The following CPEB3 variants were observed in gnomAD, a reference collection of about 807,000 sequenced individuals.
CPEB3 encodes cytoplasmic polyadenylation element-binding protein 3.
A neutral mutation model predicts 67.2 loss-of-function variants in CPEB3; 20 were observed. That is an observed-to-expected ratio of 0.30 (90% confidence interval 0.21 to 0.43). The LOEUF (loss-of-function observed/expected upper bound fraction) is 0.43. Among genes scored for constraint, CPEB3 ranks in the 20% least tolerant of loss-of-function variants. The pLI is 1.00. For synonymous variants in CPEB3, 376 were observed against 393.1 expected, an observed-to-expected ratio of 0.96 and a Z score of 0.51; for missense variants, 746 against 968.6, an observed-to-expected ratio of 0.77 and a Z score of 3.05.
At chr10:92,244,832 TA>T (rs931958199) in intron 1 of CPEB3, among the ~76,000 whole-genome samples, 2 of 152,186 alleles carry the variant, frequency 1.3e-5, no homozygotes, top group African/African-American at 4.8e-5. Flanking sequence ...AATCAACTGC[TA>T]TTATCTATAG....
intron 6 of CPEB3, among the ~76,000 whole-genome samples, chr10:92,139,656 C>T (rs1008570352): frequency 2.0e-5 from 3 of 152,112 alleles, no homozygotes; most frequent in African/African-American, 7.2e-5. Context: ...CAACAATAAT[C>T]TACTGTATAT....
At chr10:92,269,071 T>G (rs1260366193) in intron 1 of CPEB3, among the ~76,000 whole-genome samples, 1 of 152,142 alleles carries the variant, frequency 6.6e-6, no homozygotes, top group Non-Finnish European at 1.5e-5. Flanking sequence ...GTAAGGAAGC[T>G]GGATCTTTGT....
intron 3 of CPEB3, among the ~76,000 whole-genome samples, chr10:92,182,949 C>G (rs1248055671): frequency 1.3e-5 from 2 of 151,774 alleles, no homozygotes; most frequent in Non-Finnish European, 2.9e-5. Context: ...ATAAGAAAAT[C>G]CACTAGAATT....
Position 92,060,227 on chromosome 10 carries a change from C to T in CPEB3, c.1870-7788G>A, listed in dbSNP as rs191063091. Among the ~76,000 whole-genome samples the T allele has an allele frequency of 9.9e-5, 15 of 151,724 alleles. No homozygotes were observed. The East Asian group carries it at 2.0e-3, about 20-fold the overall frequency. On this transcript the variant is annotated intron_variant, in intron 9 of 9. Transcript: ENST00000265997. ...TAAAAAAATTAGCCAGGTGTGGTGG[C>T]GCACACCTGTAACCCCAGCTACTTG... is the stretch of plus-strand genomic sequence containing the variant.
At chr10:92,236,114 T>A (rs1851518655) in intron 2 of CPEB3, among the ~76,000 whole-genome samples, 1 of 152,192 alleles carries the variant, frequency 6.6e-6, no homozygotes, top group Non-Finnish European at 1.5e-5. Flanking sequence ...GTTCTTGAGC[T>A]CTGTTGCTGA....
chr10:92,101,350 C>G (rs1481238963), intron 7 of CPEB3, among the ~76,000 whole-genome samples: 1 of 152,100 alleles, frequency 6.6e-6, no homozygotes. Flanking sequence ...TTTTCTCTCC[C>G]CAATCCTACA....
chr10:92,092,953 G>A (rs1843683918), intron 7 of CPEB3, among the ~76,000 whole-genome samples: 1 of 152,072 alleles, frequency 6.6e-6, no homozygotes, highest in African/African-American at 2.4e-5. Context: ...CTCTGACTTA[G>A]TGCCCATAGT....
rs890529747 is a variant in CPEB3 at position 92,284,605 on chromosome 10, C to G, written c.-12+6321G>C. ...CTTTATCTAGTTAATGCCTGCTTTT[C>G]TTGGGGCCTCGGTATAACAGACACT... On this transcript the variant is annotated intron_variant, in intron 1 of 9. Coordinates refer to ENST00000265997, the MANE Select transcript of CPEB3 (RefSeq NM_014912.5). Among the ~76,000 whole-genome samples the G allele has an allele frequency of 4.6e-5, 7 of 152,072 alleles. No individual in the cohort carries two copies. In the South Asian group the frequency reaches 8.3e-4, roughly 18 times the overall value.
chr10:92,240,240 G>C lies in CPEB3; in HGVS notation c.111C>G (p.Ser37=), dbSNP rs1188577281. 16 of 1,510,350 alleles carry C rather than the reference G, an allele frequency of 1.1e-5. No homozygotes were observed. The highest frequency in any genetic ancestry group is 8.4e-5 in the African/African-American group (6 of 71,770). The allele number at this position is 1,510,350 out of a possible 1,614,324, so 93.6% of individuals were successfully genotyped here. A position where few individuals can be genotyped will look rare whatever the true frequency, so the allele number is the denominator to read the frequency against. The change falls in exon 2 of 10, where the codon TCC becomes TCG. Residue 37 remains serine, a synonymous_variant. Transcript: ENST00000265997. ...TGGGGGTCTCTGAGGAGAGGGGCGT[G>C]GACGGGGCTTCGGATACGCTGGACT... The part of the protein sequence containing the change: ...QPESSVSEAP[S]TPLSSETPKP...
chr10:92,176,818 C>A (rs1848240115), intron 4 of CPEB3, among the ~76,000 whole-genome samples: 1 of 152,216 alleles, frequency 6.6e-6, no homozygotes, highest in African/African-American at 2.4e-5. Flanking sequence ...CTACACAAGA[C>A]CACGAATGCT....
At chr10:92,249,249 C>T (rs1041962654) in intron 1 of CPEB3, among the ~76,000 whole-genome samples, 5 of 151,972 alleles carry the variant, frequency 3.3e-5, no homozygotes, top group Non-Finnish European at 7.4e-5. Context: ...CATGGTGGCA[C>T]GTGCCTGTAG....
chr10:92,172,132 C>CA (rs1173978707), intron 4 of CPEB3, among the ~76,000 whole-genome samples: 2 of 151,870 alleles, frequency 1.3e-5, no homozygotes, highest in African/African-American at 2.4e-5. Context: ...CCTGTCTCTA[C>CA]AAAAAAATTT....
chr10:92,180,199 T>A (rs754764338), intron 4 of CPEB3, among the ~76,000 whole-genome samples: 2 of 141,874 alleles, frequency 1.4e-5, no homozygotes, highest in Non-Finnish European at 3.3e-5. Flanking sequence ...TTCCAGTTAG[T>A]AAGTTTTTGC....
chr10:92,188,714 C>T (rs1403266820), intron 3 of CPEB3, among the ~76,000 whole-genome samples: 7 of 151,674 alleles, frequency 4.6e-5, no homozygotes, highest in African/African-American at 1.5e-4. Context: ...AGCCAGACTC[C>T]GTCTCAGAAA....
chr10:92,092,578 G>A (rs1843665882), intron 7 of CPEB3, among the ~76,000 whole-genome samples: 1 of 152,130 alleles, frequency 6.6e-6, no homozygotes, highest in Admixed American at 6.5e-5. Flanking sequence ...TCAGGAGTTC[G>A]AGATCAGCCT....
intron 8 of CPEB3, among the ~76,000 whole-genome samples, chr10:92,090,156 C>A (rs1344389182): frequency 6.6e-6 from 1 of 152,134 alleles, no homozygotes; most frequent in African/African-American, 2.4e-5. Context: ...GAAGTTACAG[C>A]CAATTCTGTT....
At chr10:92,107,626 C>A (rs1009426197) in intron 7 of CPEB3, among the ~76,000 whole-genome samples, 5 of 152,092 alleles carry the variant, frequency 3.3e-5, no homozygotes, top group Non-Finnish European at 5.9e-5. Context: ...ACAATGTCTG[C>A]CTGCTTCACT....
At chr10:92,263,015 C>T (rs889258976) in intron 1 of CPEB3, among the ~76,000 whole-genome samples, 5 of 152,122 alleles carry the variant, frequency 3.3e-5, no homozygotes, top group Admixed American at 3.3e-4. Context: ...AGCAGTCCTC[C>T]CGCCTCAGCC....
intron 6 of CPEB3, among the ~76,000 whole-genome samples, chr10:92,135,095 T>C (rs905747982): frequency 2.0e-5 from 3 of 152,148 alleles, no homozygotes; most frequent in Non-Finnish European, 4.4e-5. Flanking sequence ...ATTCAGGACA[T>C]AGGCATGGGC....
Sources: allele counts gnomAD v4.1 joint callset (sites outside exome capture counted in the v4.1 genomes callset), GRCh38; gene constraint gnomAD v4.1.1; transcripts MANE v1.5; gene names NCBI Gene and HGNC (gene_info 2026-07-23, HGNC 2026-07-21).